C8orf88: variants seen among roughly 807,000 people sequenced by gnomAD.
The protein encoded by C8orf88 is uncharacterized protein C8orf88.
C8orf88 carries 14 observed loss-of-function variants against 18.4 expected under a neutral mutation model. That is an observed-to-expected ratio of 0.76 (90% CI 0.50 to 1.19). The LOEUF (loss-of-function observed/expected upper bound fraction) is 1.19, where lower values mean the gene tolerates loss of function less well. Ranked by LOEUF, C8orf88 falls within the 50% of genes most tolerant of loss-of-function variation. The pLI is 0.00. For synonymous variants in C8orf88, 45 were observed against 42.9 expected, an observed-to-expected ratio of 1.05 and a Z score of -0.19; for missense variants, 116 against 134.7, an observed-to-expected ratio of 0.86 and a Z score of 0.69.
chr8:90,972,621 A>T (rs1811298746), intron 3 of C8orf88, among the ~76,000 whole-genome samples: 1 of 152,144 alleles, frequency 6.6e-6, no homozygotes, highest in African/African-American at 2.4e-5. Flanking sequence ...AGTTTTATAC[A>T]GTGATTATCT....
intron 4 of C8orf88, among the ~76,000 whole-genome samples, chr8:90,965,240 A>C (rs1811178145): frequency 6.6e-6 from 1 of 151,816 alleles, no homozygotes; most frequent in Non-Finnish European, 1.5e-5. Flanking sequence ...TACTAACATT[A>C]GACAAAAATA....
intron 4 of C8orf88, 52 bp downstream of exon 4, chr8:90,971,014 A>C: frequency 9.7e-7 from 1 of 1,036,064 alleles, no homozygotes; most frequent in South Asian, 1.6e-5. Flanking sequence ...TTAACTTTAT[A>C]TGAATGCTAA....
rs1159357169 is a variant in C8orf88, at chr8:90,980,470, C to A, written c.-26-9G>T. 1 of 1,193,750 alleles carries A rather than the reference C, an allele frequency of 8.4e-7. No homozygotes were observed. The highest frequency in any genetic ancestry group is 1.2e-6 in the Non-Finnish European group (1 of 857,302). 73.9% of individuals were successfully genotyped at this position (1,193,750 alleles called of 1,614,324 possible). ...GACTTTGAGGTTCCATACTAGAAGA[C>A]AAAAAAATACATTTTTATCTTTTGG... is the stretch of plus-strand genomic sequence containing the variant. On this transcript the variant is annotated splice_polypyrimidine_tract_variant and intron_variant, in intron 1 of 5. Coordinates refer to ENST00000517562, the MANE Select transcript of C8orf88 (RefSeq NM_001190972.2).
intron 3 of C8orf88, among the ~76,000 whole-genome samples, chr8:90,974,553 T>A (rs1811321758): frequency 6.6e-6 from 1 of 152,048 alleles, no homozygotes; most frequent in Non-Finnish European, 1.5e-5. Flanking sequence ...AGTCCAGTCA[T>A]CCCAGGAGAC....
intron 4 of C8orf88, among the ~76,000 whole-genome samples, chr8:90,966,816 A>G (rs1436338312): frequency 6.6e-6 from 1 of 151,956 alleles, no homozygotes; most frequent in African/African-American, 2.4e-5. Context: ...AGTTAAAAAT[A>G]GCAAAAGATG....
At chr8:90,982,038 C>G (rs972013910) in intron 1 of C8orf88, among the ~76,000 whole-genome samples, 2 of 151,990 alleles carry the variant, frequency 1.3e-5, no homozygotes, top group African/African-American at 4.8e-5. Flanking sequence ...AAATTATAAA[C>G]TTATAAACAA....
chr8:90,977,810 C>A (rs1016920498), intron 3 of C8orf88, among the ~76,000 whole-genome samples: 3 of 151,834 alleles, frequency 2.0e-5, no homozygotes, highest in African/African-American at 7.3e-5. Flanking sequence ...AGCTAGGTGT[C>A]GTGGCGGGTG....
chr8:90,970,563 C>G (rs1563553584), intron 4 of C8orf88, among the ~76,000 whole-genome samples: 1 of 151,984 alleles, frequency 6.6e-6, no homozygotes, highest in Non-Finnish European at 1.5e-5. Flanking sequence ...CCCAGTCTAC[C>G]CTGCCAGTAG....
At chr8:90,980,612 T>G (rs973051125) in intron 1 of C8orf88, among the ~76,000 whole-genome samples, 151 bp from the exon 2 acceptor site, 1 of 152,220 alleles carries the variant, frequency 6.6e-6, no homozygotes, top group African/African-American at 2.4e-5. Context: ...TATGCAATAC[T>G]CAGACTCCTT....
At chr8:90,971,421 A>G (rs1035795120) in intron 3 of C8orf88, among the ~76,000 whole-genome samples, 5 of 152,092 alleles carry the variant, frequency 3.3e-5, no homozygotes, top group Non-Finnish European at 7.4e-5. Flanking sequence ...ATAATTCCAT[A>G]GCCATTAAAA....
rs573737841 is a variant in C8orf88 at position 90,958,942 on chromosome 8, G to A, written c.*65C>T. The A allele has an allele frequency of 3.4e-5, 33 of 961,526 alleles. No individual in the cohort carries two copies. The African/African-American group carries it at 4.4e-4, about 13-fold the overall frequency. 59.6% of individuals were successfully genotyped at this position (961,526 alleles called of 1,614,324 possible). A position where few individuals can be genotyped will look rare whatever the true frequency, so the allele number is the denominator to read the frequency against. On this transcript the variant is annotated 3_prime_UTR_variant, in exon 6 of 6. Coordinates refer to ENST00000517562, the MANE Select transcript of C8orf88 (RefSeq NM_001190972.2). ...AATTGAATTGTCACAGTCCATTACA[G>A]TTATTGTTGCTAGATCCACCTCATT...
intron 3 of C8orf88, among the ~76,000 whole-genome samples, chr8:90,978,280 A>T (rs1388805213): frequency 1.3e-5 from 2 of 152,224 alleles, no homozygotes; most frequent in Non-Finnish European, 2.9e-5. Flanking sequence ...GGAAAAAATA[A>T]ATTGAGGATA....
At chr8:90,977,566 T>C (rs549988379) in intron 3 of C8orf88, among the ~76,000 whole-genome samples, 2 of 152,322 alleles carry the variant, frequency 1.3e-5, no homozygotes, top group East Asian at 3.9e-4. Context: ...ATTTAACTGC[T>C]TTATTCATTG....
intron 4 of C8orf88, among the ~76,000 whole-genome samples, chr8:90,964,487 C>T (rs1274163169): frequency 6.6e-6 from 1 of 151,630 alleles, no homozygotes; most frequent in African/African-American, 2.4e-5. Flanking sequence ...CAGTTTACTG[C>T]TTGTAAACTT....
intron 2 of C8orf88, among the ~76,000 whole-genome samples, chr8:90,979,284 G>A (rs1811397351): frequency 6.6e-6 from 1 of 152,180 alleles, no homozygotes; most frequent in Non-Finnish European, 1.5e-5. Context: ...GATCTGCAGA[G>A]ATGAAGGGGG....
At chr8:90,983,899 T>C (rs1204360398) in intron 1 of C8orf88, among the ~76,000 whole-genome samples, 1 of 152,204 alleles carries the variant, frequency 6.6e-6, no homozygotes, top group African/African-American at 2.4e-5. Flanking sequence ...CGTGTATAGA[T>C]TTAAAAATTA....
At chr8:90,961,591 C>T (rs989444848) in intron 4 of C8orf88, among the ~76,000 whole-genome samples, 1 of 151,208 alleles carries the variant, frequency 6.6e-6, no homozygotes, top group Non-Finnish European at 1.5e-5. Context: ...CAGATGTGAC[C>T]TTCAAGAAAT....
rs138114279 is a variant in C8orf88 at position 90,971,335 on chromosome 8, G to GT, written c.148-195dup. On this transcript the variant is annotated intron_variant, in intron 3 of 5. Coordinates refer to ENST00000517562, the MANE Select transcript of C8orf88 (RefSeq NM_001190972.2). ...CAAAATATATTCACATATATCTACA[G>GT]TTTTTTTGGCATTATTATAATTATT... is the stretch of plus-strand genomic sequence containing the variant. 8.6e-5 allele frequency among the ~76,000 whole-genome samples: 13 copies of GT among 151,876 alleles called. No homozygotes were observed. In the East Asian group the frequency reaches 1.9e-3, roughly 23 times the overall value.
In C8orf88 at chr8:90,971,105, G is replaced by A; in HGVS notation, c.184C>T (p.Leu62Phe). The change falls in exon 4 of 6, where the codon CTT becomes TTT. Residue 62 changes from leucine to phenylalanine, a missense_variant. By Grantham distance (22) the Leu-to-Phe change is conservative. Transcript: ENST00000517562. ...GACTGCTGTTGCTGTTGCTCATTAA[G>A]ACCTTGAGAAAAGGCTTGCATTCCA... ...TNGMQAFSQG[L>F]NEQQQQQSPV... The A allele has an allele frequency of 1.3e-6, 2 of 1,520,964 alleles. 1 individual carries two copies. 94.2% of individuals were successfully genotyped at this position (1,520,964 alleles called of 1,614,324 possible).
Sources: allele counts gnomAD v4.1 joint callset (sites outside exome capture counted in the v4.1 genomes callset), GRCh38; gene constraint gnomAD v4.1.1; transcripts MANE v1.5; gene names NCBI Gene and HGNC (gene_info 2026-07-23, HGNC 2026-07-21).